The following RUFY1 variants were observed in gnomAD, a reference collection of about 807,000 sequenced individuals.
The protein encoded by RUFY1 is RUN and FYVE domain containing 1, also known as RUN and FYVE domain-containing protein 1.
Under a neutral mutation model 94.6 loss-of-function variants are expected in RUFY1, and 54 were observed. The observed-to-expected ratio is 0.57, with a 90% CI of 0.46 to 0.72. The LOEUF is 0.72. Among genes scored for constraint, RUFY1 ranks in the 30% least tolerant of loss-of-function variants. RUFY1 has a pLI of 0.00. For missense variants in RUFY1, 883 were observed against 883.9 expected (o/e 1.00, Z 0.01); for synonymous variants, 396 against 347.3 (o/e 1.14, Z -1.56).
At position 179,566,625 on chromosome 5, in the gene RUFY1, G is replaced by GA. The variant is rs59142888; in HGVS notation, c.603-819dup. The stretch of plus-strand genomic sequence containing the variant: ...GGGTGACAGAGTGAGGCTCCATCTC[G>GA]AAAAAAAAAAAAAAAAAGATTGGTT... On this transcript the variant is annotated intron_variant, in intron 3 of 17. Coordinates refer to ENST00000319449, the MANE Select transcript of RUFY1 (RefSeq NM_025158.5). Among the ~76,000 whole-genome samples, 307 of 115,300 alleles carry GA rather than the reference G, an allele frequency of 2.7e-3. 2 individuals are homozygous for GA. The highest frequency in any genetic ancestry group is 2.7e-3 in the South Asian group (9 of 3,306). The allele number at this position is 115,300 out of a possible 152,430, so 75.6% of individuals were successfully genotyped here.
chr5:179,564,482 G>A (rs1354602993), intron 3 of RUFY1, among the ~76,000 whole-genome samples: 1 of 147,854 alleles, frequency 6.8e-6, no homozygotes, highest in Non-Finnish European at 1.5e-5. Context: ...TGCAGTGGTG[G>A]TGCAGTCTCT....
intron 8 of RUFY1, chr5:179,586,224 C>A: frequency 2.3e-6 from 1 of 430,540 alleles, no homozygotes; most frequent in South Asian, 1.8e-5. Flanking sequence ...CCAGAAAGCA[C>A]AGACTCTGTC....
intron 6 of RUFY1, among the ~76,000 whole-genome samples, chr5:179,577,543 C>A (rs1763726232): frequency 6.7e-6 from 1 of 149,338 alleles, no homozygotes; most frequent in Non-Finnish European, 1.5e-5. Flanking sequence ...ACGGAAATTG[C>A]CGAAGACTAG....
At chr5:179,580,400 G>T (rs547689263) in intron 6 of RUFY1, among the ~76,000 whole-genome samples, 1 of 151,492 alleles carries the variant, frequency 6.6e-6, no homozygotes, top group Admixed American at 6.6e-5. Flanking sequence ...CCGCCACCAC[G>T]CCCGGCTAAT....
intron 17 of RUFY1, chr5:179,608,524 C>G (rs1767347827): frequency 1.0e-6 from 1 of 985,424 alleles, no homozygotes; most frequent in African/African-American, 1.7e-5. Flanking sequence ...GGGATCTACT[C>G]CACCCCCTTG....
chr5:179,609,313 A>T, intron 17 of RUFY1, 63 bp from the exon 18 acceptor site: 3 of 1,561,242 alleles, frequency 1.9e-6, no homozygotes, highest in Non-Finnish European at 2.6e-6. Flanking sequence ...GTCAGGAAGC[A>T]GGGAGGGTGT....
chr5:179,561,678 CTTTTTTTTTTTTT>C (rs71001004), intron 2 of RUFY1, among the ~76,000 whole-genome samples: 2,942 of 64,796 alleles, frequency 0.045, 117 homozygotes, highest in Middle Eastern at 0.27. Flanking sequence ...TTTTTTCTTT[CTTTTTTTTTTTTT>C]TTTTTTTTTT....
At chr5:179,554,256 G>A (rs1762001372) in intron 1 of RUFY1, among the ~76,000 whole-genome samples, 1 of 152,216 alleles carries the variant, frequency 6.6e-6, no homozygotes, top group African/African-American at 2.4e-5. Flanking sequence ...TGTTGTCCCG[G>A]TCGGGTGCAG....
At position 179,607,663 on chromosome 5, in the gene RUFY1, C is replaced by G. The variant is rs10053391; in HGVS notation, c.1983+4C>G. The G allele has an allele frequency of 7.0e-3, 11,290 of 1,612,512 alleles. 720 individuals are homozygous for G. In the African/African-American group the frequency reaches 0.13, roughly 19 times the overall value. ...GTTCTCCATTTCCCGGAGAAAGGTA[C>G]GTGGGGGCTCCACCCACCCTCCCAG... On this transcript the variant is annotated splice_donor_region_variant and intron_variant, in intron 17 of 17. Coordinates refer to ENST00000319449, the MANE Select transcript of RUFY1 (RefSeq NM_025158.5).
intron 6 of RUFY1, among the ~76,000 whole-genome samples, chr5:179,578,283 G>A (rs1275101614): frequency 6.6e-6 from 1 of 152,088 alleles, no homozygotes; most frequent in Non-Finnish European, 1.5e-5. Context: ...GTGCAATCTC[G>A]GCTCACTGCA....
At chr5:179,565,858 T>C (rs1762791918) in intron 3 of RUFY1, among the ~76,000 whole-genome samples, 1 of 152,164 alleles carries the variant, frequency 6.6e-6, no homozygotes, top group African/African-American at 2.4e-5. Flanking sequence ...AGTTGCACAG[T>C]TGGCCAGGCA....
intron 6 of RUFY1, among the ~76,000 whole-genome samples, chr5:179,577,812 G>T (rs1157015342): frequency 6.7e-6 from 1 of 150,320 alleles, no homozygotes; most frequent in African/African-American, 2.5e-5. Flanking sequence ...CGCACATCGG[G>T]TGGTGTCCCC....
At position 179,550,844 on chromosome 5, in the gene RUFY1, G is replaced by A. The variant is rs1761793055; in HGVS notation, c.275G>A (p.Gly92Asp). ...GCGCTGCGCGCGGCCGCGGGGCTGG[G>A]CGGCGGGGACAGCGGGGACGGCACG... ...GSALRAAAGL[G>D]GGDSGDGTAR... Residue 92 changes from glycine to aspartate, a missense_variant, in exon 1 of 18, where the codon GGC (glycine) becomes GAC (aspartate). Transcript: ENST00000319449. 1.6e-6 allele frequency: 2 copies of A among 1,224,258 alleles called. No homozygotes were observed. The highest frequency in any genetic ancestry group is 1.0e-6 in the Non-Finnish European group (1 of 986,716). The allele number at this position is 1,224,258 out of a possible 1,614,324, so 75.8% of individuals were successfully genotyped here. A position where few individuals can be genotyped will look rare whatever the true frequency, so the allele number is the denominator to read the frequency against.
intron 5 of RUFY1, among the ~76,000 whole-genome samples, chr5:179,574,690 A>G (rs1038799114): frequency 6.6e-6 from 1 of 152,204 alleles, no homozygotes; most frequent in African/African-American, 2.4e-5. Context: ...GTATGAAAGT[A>G]TTCTCTTACA....
At chr5:179,565,164 CTTTTTTTTTTT>C (rs138223106) in intron 3 of RUFY1, among the ~76,000 whole-genome samples, 3 of 71,926 alleles carry the variant, frequency 4.2e-5, no homozygotes, top group Non-Finnish European at 7.4e-5. Context: ...TCTAGGTTTT[CTTTTTTTTTTT>C]TTTTTTTTTT....
intron 5 of RUFY1, among the ~76,000 whole-genome samples, chr5:179,574,232 C>T (rs1562002092): frequency 1.3e-5 from 2 of 151,816 alleles, no homozygotes; most frequent in African/African-American, 4.8e-5. Context: ...TGGTCTCTAC[C>T]AAAAATACAA....
At chr5:179,570,063 A>T (rs1357898731) in intron 5 of RUFY1, among the ~76,000 whole-genome samples, 1 of 145,654 alleles carries the variant, frequency 6.9e-6, no homozygotes, top group Non-Finnish European at 1.5e-5. Flanking sequence ...TTTTTTTAGT[A>T]GAGATGGTGT....
chr5:179,601,047 T>A (rs569001571), intron 14 of RUFY1, among the ~76,000 whole-genome samples: 13 of 152,264 alleles, frequency 8.5e-5, no homozygotes, highest in Admixed American at 8.5e-4. Context: ...CTGTCCCATG[T>A]CTCTGTCCCC....
At chr5:179,569,705 ATAGT>A (rs1192723350) in intron 5 of RUFY1, among the ~76,000 whole-genome samples, 4 of 152,042 alleles carry the variant, frequency 2.6e-5, no homozygotes, top group East Asian at 1.9e-4. Context: ...GCTGGGCCTG[ATAGT>A]TAGGCCATTG....
Sources: gnomAD v4.1 joint callset for allele counts (sites outside exome capture counted in the v4.1 genomes callset) on GRCh38, gnomAD v4.1.1 for gene constraint, MANE v1.5 for transcripts, NCBI Gene and HGNC (gene_info 2026-07-23, HGNC 2026-07-21) for gene names.